Variants in EXOC4 observed in about 807,000 individuals in gnomAD.
EXOC4 encodes the protein SEC8-like 1.
In EXOC4, 71 loss-of-function variants were observed where a neutral mutation model predicts 107.2. The observed-to-expected ratio is 0.66, with a 90% CI of 0.55 to 0.81. The LOEUF (loss-of-function observed/expected upper bound fraction) is 0.81, where lower values mean the gene tolerates loss of function less well. Ranked by LOEUF, EXOC4 falls within the 30% of genes least tolerant of loss-of-function variation. The pLI, the probability that EXOC4 is intolerant of heterozygous loss-of-function variation, is 0.00. For missense variants in EXOC4, 1,108 were observed against 1,189.6 expected (o/e 0.93, Z 1.01); for synonymous variants, 456 against 441.2 (o/e 1.03, Z -0.42).
chr7:134,003,429 G>GA (rs1461996347), intron 15 of EXOC4, among the ~76,000 whole-genome samples: 4 of 152,164 alleles, frequency 2.6e-5, no homozygotes, highest in African/African-American at 9.7e-5. Context: ...TAAAAGGGGG[G>GA]AGTTATACTG....
intron 10 of EXOC4, among the ~76,000 whole-genome samples, chr7:133,699,313 A>G (rs892358820): frequency 1.3e-5 from 2 of 152,038 alleles, no homozygotes; most frequent in Non-Finnish European, 2.9e-5. Flanking sequence ...CTGTACCTGC[A>G]ATGGTTTTTT....
chr7:133,802,407 AG>A (rs1796966376), intron 10 of EXOC4, among the ~76,000 whole-genome samples: 1 of 152,220 alleles, frequency 6.6e-6, no homozygotes, highest in Non-Finnish European at 1.5e-5. Flanking sequence ...CCTAGCTTCT[AG>A]GGCACAGCTT....
chr7:133,289,826 A>G (rs1167346209), intron 3 of EXOC4, among the ~76,000 whole-genome samples: 1 of 152,124 alleles, frequency 6.6e-6, no homozygotes, highest in East Asian at 1.9e-4. Context: ...ACCCAGTCCC[A>G]CTTCCATCTC....
rs940897183 is a variant in EXOC4, at chr7:133,420,320, A to G, written c.1182+45318A>G. Among the ~76,000 whole-genome samples, 46 of 151,430 alleles carry G rather than the reference A, an allele frequency of 3.0e-4. 1 individual carries two copies. The highest frequency in any genetic ancestry group is 1.1e-3 in the African/African-American group (46 of 41,242). ...TGAACTCATCATTTTTTATGGCTGC[A>G]TAGTATTCCATGGTATATATGTGCC... On this transcript the variant is annotated intron_variant, in intron 7 of 17. Coordinates refer to ENST00000253861, the MANE Select transcript of EXOC4 (RefSeq NM_021807.4).
intron 9 of EXOC4, among the ~76,000 whole-genome samples, chr7:133,541,838 T>C (rs1755189250): frequency 2.0e-5 from 3 of 152,058 alleles, no homozygotes; most frequent in Non-Finnish European, 2.9e-5. Flanking sequence ...CGGGGTAATA[T>C]TGGGACTAAT....
chr7:133,591,059 G>A (rs1052926855), intron 9 of EXOC4, among the ~76,000 whole-genome samples: 3 of 152,200 alleles, frequency 2.0e-5, no homozygotes. Flanking sequence ...CTTCCTGTGA[G>A]GGGTTGAGGG....
chr7:133,400,341 C>G (rs1797062166), intron 7 of EXOC4, among the ~76,000 whole-genome samples: 1 of 152,158 alleles, frequency 6.6e-6, no homozygotes, highest in African/African-American at 2.4e-5. Flanking sequence ...TATCAGTTGC[C>G]TACTCTATAT....
chr7:133,496,969 C>T (rs1460362405), intron 9 of EXOC4, among the ~76,000 whole-genome samples: 1 of 152,144 alleles, frequency 6.6e-6, no homozygotes, highest in African/African-American at 2.4e-5. Flanking sequence ...CAAAAAGCAG[C>T]AGAAGGTGCT....
At chr7:133,890,456 G>T (rs962698804) in intron 11 of EXOC4, among the ~76,000 whole-genome samples, 7 of 127,304 alleles carry the variant, frequency 5.5e-5, no homozygotes, top group Admixed American at 2.2e-4. Context: ...TTTTGGCTTT[G>T]GTTGCCATTG....
intron 10 of EXOC4, among the ~76,000 whole-genome samples, chr7:133,803,985 T>C (rs557982791): frequency 6.6e-6 from 1 of 152,288 alleles, no homozygotes; most frequent in Admixed American, 6.5e-5. Context: ...TTGATGTGAA[T>C]TTGATGTTAC....
At chr7:133,694,187 G>C (rs1385270446) in intron 10 of EXOC4, among the ~76,000 whole-genome samples, 2 of 151,298 alleles carry the variant, frequency 1.3e-5, no homozygotes, top group Non-Finnish European at 2.9e-5. Context: ...CTTGAACCCG[G>C]GAGGCAGAGA....
chr7:133,848,309 A>T (rs1217742090), intron 11 of EXOC4, among the ~76,000 whole-genome samples: 1 of 152,100 alleles, frequency 6.6e-6, no homozygotes, highest in Non-Finnish European at 1.5e-5. Flanking sequence ...TTTTATATCA[A>T]CTCCGGCAGT....
At chr7:133,327,374 T>C (rs959881484) in intron 5 of EXOC4, among the ~76,000 whole-genome samples, 20 of 152,332 alleles carry the variant, frequency 1.3e-4, no homozygotes, top group African/African-American at 3.6e-4. Context: ...GTTAAACTTT[T>C]CCAAAAACCA....
intron 11 of EXOC4, among the ~76,000 whole-genome samples, chr7:133,862,333 A>G (rs1009274571): frequency 6.6e-6 from 1 of 151,972 alleles, no homozygotes; most frequent in Non-Finnish European, 1.5e-5. Flanking sequence ...CTAAAAATAC[A>G]AAAAAATTAG....
intron 9 of EXOC4, among the ~76,000 whole-genome samples, chr7:133,501,886 C>A (rs1799582233): frequency 6.6e-6 from 1 of 152,082 alleles, no homozygotes; most frequent in Admixed American, 6.6e-5. Flanking sequence ...ATTTCCTCTG[C>A]GTGTGTTTTT....
intron 10 of EXOC4, among the ~76,000 whole-genome samples, chr7:133,785,087 C>T (rs1374044563): frequency 1.3e-5 from 2 of 152,130 alleles, no homozygotes; most frequent in African/African-American, 4.8e-5. Context: ...AATATATCCC[C>T]AGCCTTACTT....
At chr7:133,334,869 C>CA (rs1795475952) in intron 5 of EXOC4, among the ~76,000 whole-genome samples, 1 of 152,176 alleles carries the variant, frequency 6.6e-6, no homozygotes, top group Non-Finnish European at 1.5e-5. Context: ...TAATGGCCTC[C>CA]AGCTCCATCC....
intron 9 of EXOC4, among the ~76,000 whole-genome samples, chr7:133,568,041 A>G (rs568533598): frequency 3.3e-5 from 5 of 152,318 alleles, no homozygotes; most frequent in African/African-American, 4.8e-5. Flanking sequence ...ATTCTTATCA[A>G]TACATTGTGT....
Position 133,394,279 on chromosome 7 carries a change from G to A in EXOC4, c.1182+19277G>A, listed in dbSNP as rs149932150. Among the ~76,000 whole-genome samples the A allele has an allele frequency of 3.6e-3, 544 of 152,150 alleles. 9 individuals are homozygous for A. The highest frequency in any genetic ancestry group is 0.031 in the East Asian group (159 of 5,190). The stretch of plus-strand genomic sequence containing the variant: ...AACTTGTCCTTTATTCTTTGAAAAC[G>A]ATTTAAATTTTTGATTTTTCATTTT... On this transcript the variant is annotated intron_variant, in intron 7 of 17. Coordinates refer to ENST00000253861, the MANE Select transcript of EXOC4 (RefSeq NM_021807.4).
Sources: allele counts gnomAD v4.1 joint callset (sites outside exome capture counted in the v4.1 genomes callset), GRCh38; gene constraint gnomAD v4.1.1; transcripts MANE v1.5; gene names NCBI Gene and HGNC (gene_info 2026-07-23, HGNC 2026-07-21).